BAZ2B: variants seen among roughly 807,000 people sequenced by gnomAD.
BAZ2B encodes the protein bromodomain adjacent to zinc finger domain 2B.
BAZ2B carries 91 observed loss-of-function variants against 246.0 expected under a neutral mutation model. The ratio of observed to expected loss-of-function variants is 0.37; its 90% CI spans 0.31 to 0.44. BAZ2B has a LOEUF of 0.44. Among genes scored for constraint, BAZ2B ranks in the 20% least tolerant of loss-of-function variants. The probability of loss-of-function intolerance (pLI) is 1.00; values close to 1 mark genes in which losing one functional copy is unlikely to be tolerated. For missense variants in BAZ2B, 2,332 were observed against 2,533.7 expected, an observed-to-expected ratio of 0.92 and a Z score of 1.71; for synonymous variants, 855 against 860.0, an observed-to-expected ratio of 0.99 and a Z score of 0.10.
chr2:159,389,351 G>A lies in BAZ2B; in HGVS notation c.3210C>T (p.Asp1070=). ...KKPNEDMCLA[D]QKPLPELPRI... is the part of the protein sequence containing the mutation. ...TACATGACGTATAAATTACCTTTTG[G>A]TCTGCTAAGCACATGTCTTCATTAG... Residue 1070 remains aspartate, a synonymous_variant, in exon 21 of 37, where the codon GAC becomes GAT. Coordinates refer to ENST00000392783, the MANE Select transcript of BAZ2B (RefSeq NM_013450.4). 2 of 1,583,558 alleles carry A rather than the reference G, an allele frequency of 1.3e-6. No individual in the cohort carries two copies. Among genetic ancestry groups the A allele is most frequent in the African/African-American group, 1.4e-5 (1 of 73,054 alleles).
In BAZ2B at chr2:159,446,827, G is replaced by C; in HGVS notation, c.651C>G (p.Ser217Arg). 1.9e-6 allele frequency: 3 copies of C among 1,610,762 alleles called. No homozygotes were observed. Among genetic ancestry groups the C allele is most frequent in the Non-Finnish European group, 2.5e-6 (3 of 1,178,890 alleles). The change falls in exon 6 of 37, where the codon AGC (serine) becomes AGG (arginine). Residue 217 changes from serine (S) to arginine (R), a missense_variant. Transcript: ENST00000392783. ...CTCTAGCATCCAAAGGCTGGTTTTT[G>C]CTTTGTTCCTGATTACATTTTCGAT... is the stretch of plus-strand genomic sequence containing the variant. ...GGNRKCNQEQ[S>R]KNQPLDARVD...
chr2:159,517,358 G>C (rs2083540124), intron 2 of BAZ2B, among the ~76,000 whole-genome samples: 1 of 150,534 alleles, frequency 6.6e-6, no homozygotes, highest in Non-Finnish European at 1.5e-5. Flanking sequence ...TTTTAGTGTA[G>C]TTTGATGAGG....
the BAZ2B span, chr2:159,694,319 C>A: frequency 1.3e-5 from 2 of 152,070 alleles, no homozygotes; most frequent in African/African-American, 4.8e-5. Context: ...TCTGTTGCCA[C>A]CAGCCTGTAG....
rs2149505873 is a variant in BAZ2B at position 159,382,667 on chromosome 2, A to G, written c.3897T>C (p.Tyr1299=). ...KRRRKGGDSD[Y]DDDDDDDSDD... ...CACTGTCATCGTCATCATCATCGTC[A>G]TAATCACTGTCTCCTCCCTTCCTTC... is the stretch of plus-strand genomic sequence containing the variant. The change falls in exon 25 of 37, where the codon TAT becomes TAC. Residue 1299 remains tyrosine (Y), a synonymous_variant. Coordinates refer to ENST00000392783, the MANE Select transcript of BAZ2B (RefSeq NM_013450.4). 1.2e-6 allele frequency: 2 copies of G among 1,606,436 alleles called. No homozygotes were observed. The highest frequency in any genetic ancestry group is 2.2e-5 in the East Asian group (1 of 44,668).
At chr2:159,632,491 C>A in the BAZ2B span, among the ~76,000 whole-genome samples, 2 of 152,156 alleles carry the variant, frequency 1.3e-5, no homozygotes, top group African/African-American at 4.8e-5. Flanking sequence ...ACATCTTACT[C>A]TACTATTATG....
chr2:159,540,767 A>G (rs1240032661), intron 2 of BAZ2B, among the ~76,000 whole-genome samples: 1 of 152,186 alleles, frequency 6.6e-6, no homozygotes, highest in Non-Finnish European at 1.5e-5. Flanking sequence ...TCTGGTATAT[A>G]AGTACCTTCA....
intron 17 of BAZ2B, 43 bp from the exon 18 acceptor site, chr2:159,398,937 C>T (rs1205858541): frequency 6.4e-7 from 1 of 1,553,878 alleles, no homozygotes; most frequent in South Asian, 1.1e-5. Flanking sequence ...AACAGCACCA[C>T]TACAACTTGC....
intron 3 of BAZ2B, chr2:159,462,431 G>C: frequency 8.1e-7 from 1 of 1,238,416 alleles, no homozygotes; most frequent in Non-Finnish European, 1.2e-6. Flanking sequence ...TTGTAGCTGA[G>C]TAATCTTGTT....
At chr2:159,366,898 G>A (rs1010043954) in intron 27 of BAZ2B, among the ~76,000 whole-genome samples, 5 of 152,048 alleles carry the variant, frequency 3.3e-5, no homozygotes, top group African/African-American at 9.7e-5. Flanking sequence ...TATATCTAGT[G>A]AGCCACACCA....
chr2:159,335,652 G>A (rs187120645), intron 33 of BAZ2B, among the ~76,000 whole-genome samples: 1 of 152,092 alleles, frequency 6.6e-6, no homozygotes, highest in African/African-American at 2.4e-5. Context: ...AGGAAGCAGT[G>A]AAAAACCATA....
At chr2:159,329,093 T>C (rs1000559285) in intron 34 of BAZ2B, among the ~76,000 whole-genome samples, 13 of 144,814 alleles carry the variant, frequency 9.0e-5, no homozygotes, top group Non-Finnish European at 1.6e-4. Context: ...ATCGTGCCAC[T>C]GCACTCCAGC....
the BAZ2B span, among the ~76,000 whole-genome samples, chr2:159,684,144 C>T: frequency 6.6e-6 from 1 of 152,198 alleles, no homozygotes; most frequent in Non-Finnish European, 1.5e-5. Context: ...GTTCTATTTT[C>T]AGTAGTTTGT....
intron 2 of BAZ2B, among the ~76,000 whole-genome samples, chr2:159,527,985 C>T (rs1474867871): frequency 1.3e-5 from 2 of 152,034 alleles, no homozygotes; most frequent in East Asian, 3.9e-4. Flanking sequence ...ACACCTCTTG[C>T]TTTAAGGAAG....
chr2:159,477,262 G>T (rs972775120), intron 3 of BAZ2B, among the ~76,000 whole-genome samples: 4 of 151,960 alleles, frequency 2.6e-5, no homozygotes, highest in African/African-American at 9.7e-5. Flanking sequence ...CCAAGATTGT[G>T]CCACTGCACT....
chr2:159,499,760 C>T (rs1185930104), intron 2 of BAZ2B, among the ~76,000 whole-genome samples: 4 of 152,154 alleles, frequency 2.6e-5, no homozygotes, highest in Admixed American at 2.6e-4. Context: ...ATCAGCATTT[C>T]TCTAATGATC....
chr2:159,335,741 C>A (rs760819950), intron 33 of BAZ2B, among the ~76,000 whole-genome samples: 1 of 152,002 alleles, frequency 6.6e-6, no homozygotes, highest in Non-Finnish European at 1.5e-5. Context: ...AAAGAAAGAA[C>A]TCTAAGTTAT....
At chr2:159,506,703 AC>A (rs1381759487) in intron 2 of BAZ2B, among the ~76,000 whole-genome samples, 1 of 152,192 alleles carries the variant, frequency 6.6e-6, no homozygotes, top group East Asian at 1.9e-4. Flanking sequence ...AGAATACAGG[AC>A]CAACAAGGGA....
chr2:159,599,201 T>C (rs1336580532), intron 1 of BAZ2B, among the ~76,000 whole-genome samples: 1 of 152,326 alleles, frequency 6.6e-6, no homozygotes, highest in South Asian at 2.1e-4. Flanking sequence ...CAAGTTACTT[T>C]TAAGGAACTA....
intron 3 of BAZ2B, chr2:159,464,256 A>C (rs2076769655): frequency 6.6e-6 from 1 of 152,198 alleles, no homozygotes; most frequent in Admixed American, 6.6e-5. Context: ...CCAGGATCTC[A>C]TATTACATTT....
Sources: allele counts gnomAD v4.1 joint callset (sites outside exome capture counted in the v4.1 genomes callset), GRCh38; gene constraint gnomAD v4.1.1; transcripts MANE v1.5; gene names NCBI Gene and HGNC (gene_info 2026-07-23, HGNC 2026-07-21).